Variants in IQCJ observed in about 807,000 individuals in gnomAD.
IQCJ encodes the protein IQ domain-containing protein J.
A neutral mutation model predicts 11.0 loss-of-function variants in IQCJ; 9 were observed. The ratio of observed to expected loss-of-function variants is 0.82; its 90% confidence interval spans 0.49 to 1.43. IQCJ has a LOEUF of 1.43. Ranked by LOEUF, IQCJ falls within the 40% of genes most tolerant of loss-of-function variation. IQCJ has a pLI of 0.00. For missense variants in IQCJ, 146 were observed against 133.2 expected, an observed-to-expected ratio of 1.10 and a Z score of -0.47; for synonymous variants, 55 against 51.3, an observed-to-expected ratio of 1.07 and a Z score of -0.31.
intron 1 of IQCJ, among the ~76,000 whole-genome samples, chr3:159,221,931 G>GA (rs997941928): frequency 6.6e-6 from 1 of 151,308 alleles, no homozygotes; most frequent in East Asian, 1.9e-4. Context: ...GGTTAAAAAA[G>GA]AAAAAAATCT....
At chr3:159,229,300 G>T (rs1235763049) in intron 1 of IQCJ, among the ~76,000 whole-genome samples, 1 of 151,040 alleles carries the variant, frequency 6.6e-6, no homozygotes, top group South Asian at 2.1e-4. Context: ...CCTTTTCTTG[G>T]CCCTATCTAG....
At chr3:159,249,225 C>T (rs919193635) in intron 2 of IQCJ, among the ~76,000 whole-genome samples, 7 of 152,178 alleles carry the variant, frequency 4.6e-5, no homozygotes, top group Middle Eastern at 3.4e-3. Context: ...CTATATTAAA[C>T]CTCTCACTAA....
rs184650159 is a variant in IQCJ at position 159,219,992 on chromosome 3, T to C, written c.10-25851T>C. The stretch of plus-strand genomic sequence containing the variant: ...CTTTGCCCTGTATGTTTTTGAAATT[T>C]TTCTCTGTTGAGGCATGAAAAAAAC... On this transcript the variant is annotated intron_variant, in intron 1 of 3. Coordinates refer to ENST00000397832, the MANE Select transcript of IQCJ (RefSeq NM_001042706.3). 2.9e-3 allele frequency among the ~76,000 whole-genome samples: 446 copies of C among 152,266 alleles called. 3 individuals carry two copies. Among genetic ancestry groups the C allele is most frequent in the African/African-American group, 0.01 (424 of 41,562 alleles).
intron 1 of IQCJ, among the ~76,000 whole-genome samples, chr3:159,165,312 A>G (rs1037129709): frequency 6.6e-6 from 1 of 152,254 alleles, no homozygotes; most frequent in African/African-American, 2.4e-5. Context: ...GTGTTAAGGT[A>G]TTAGTCCACC....
At chr3:159,076,490 G>T (rs919139493) in intron 1 of IQCJ, among the ~76,000 whole-genome samples, 7 of 152,054 alleles carry the variant, frequency 4.6e-5, no homozygotes, top group African/African-American at 1.7e-4. Flanking sequence ...GTCTCATTCT[G>T]AAGTCTTGAT....
chr3:159,177,171 T>C (rs535825455), intron 1 of IQCJ, among the ~76,000 whole-genome samples: 3 of 152,210 alleles, frequency 2.0e-5, no homozygotes, highest in African/African-American at 4.8e-5. Flanking sequence ...TGAGCAATAT[T>C]ATTGTTTAAT....
At chr3:159,170,646 T>C (rs1284640215) in intron 1 of IQCJ, among the ~76,000 whole-genome samples, 1 of 151,424 alleles carries the variant, frequency 6.6e-6, no homozygotes, top group Admixed American at 6.6e-5. Flanking sequence ...CCTCACCCTT[T>C]TTTTTTTTTT....
intron 1 of IQCJ, among the ~76,000 whole-genome samples, chr3:159,158,985 C>T (rs1161352813): frequency 6.6e-6 from 1 of 152,124 alleles, no homozygotes; most frequent in Non-Finnish European, 1.5e-5. Flanking sequence ...CACAGAGCCA[C>T]ATGGGAAGCA....
At chr3:159,072,085 A>C (rs1178105659) in intron 1 of IQCJ, among the ~76,000 whole-genome samples, 1 of 152,154 alleles carries the variant, frequency 6.6e-6, no homozygotes, top group Non-Finnish European at 1.5e-5. Flanking sequence ...CAAGGAGGGA[A>C]GCTCCTGTTT....
intron 1 of IQCJ, among the ~76,000 whole-genome samples, chr3:159,190,788 A>C (rs966940049): frequency 1.3e-5 from 2 of 152,178 alleles, no homozygotes; most frequent in Non-Finnish European, 2.9e-5. Context: ...AGAAATGTGG[A>C]TAATAATAGT....
chr3:159,229,853 T>G (rs1334271626), intron 1 of IQCJ, among the ~76,000 whole-genome samples: 3 of 51,874 alleles, frequency 5.8e-5, no homozygotes, highest in Non-Finnish European at 1.1e-4. Context: ...CCTCCTCCTC[T>G]TTTTCTTTTC....
chr3:159,158,524 C>A (rs1401031449), intron 1 of IQCJ, among the ~76,000 whole-genome samples: 1 of 152,138 alleles, frequency 6.6e-6, no homozygotes, highest in Non-Finnish European at 1.5e-5. Flanking sequence ...TAGTACAATG[C>A]CAGCATTATG....
intron 1 of IQCJ, among the ~76,000 whole-genome samples, chr3:159,106,619 A>G (rs1294191211): frequency 6.6e-6 from 1 of 152,174 alleles, no homozygotes; most frequent in Non-Finnish European, 1.5e-5. Flanking sequence ...CCTTACACCA[A>G]CAAGCCTGTA....
intron 1 of IQCJ, among the ~76,000 whole-genome samples, chr3:159,091,670 GCATGCA>G (rs1431564072): frequency 0.065 from 4,033 of 62,512 alleles, 146 homozygotes; most frequent in Middle Eastern, 0.083. Flanking sequence ...ACACACACAC[GCATGCA>G]CACACACACA....
chr3:159,198,018 C>T (rs1243588719), intron 1 of IQCJ, among the ~76,000 whole-genome samples: 3 of 152,142 alleles, frequency 2.0e-5, no homozygotes, highest in East Asian at 3.9e-4. Context: ...TTGTTTTCTC[C>T]TCCATGTACT....
rs766349896 is a variant in IQCJ at position 159,245,563 on chromosome 3, G to A, written c.10-280G>A. On this transcript the variant is annotated intron_variant, in intron 1 of 3. Coordinates refer to ENST00000397832, the MANE Select transcript of IQCJ (RefSeq NM_001042706.3). Reference sequence around the variant, plus strand: ...TGCAAGCTCCGCCTCCTGGGTTCACGCCATTCTCCTGCCTCAGCCTCCCAA... The same window carrying A: ...TGCAAGCTCCGCCTCCTGGGTTCACACCATTCTCCTGCCTCAGCCTCCCAA... 9.5e-5 allele frequency among the ~76,000 whole-genome samples: 14 copies of A among 147,546 alleles called. 1 individual carries two copies. The highest frequency in any genetic ancestry group is 1.5e-4 in the African/African-American group (6 of 39,856).
intron 1 of IQCJ, among the ~76,000 whole-genome samples, chr3:159,229,374 T>G (rs1479302331): frequency 6.6e-6 from 1 of 152,124 alleles, no homozygotes; most frequent in Non-Finnish European, 1.5e-5. Context: ...TCTCATTCTG[T>G]CCTGAATGTC....
chr3:159,224,786 G>A (rs996243381), intron 1 of IQCJ, among the ~76,000 whole-genome samples: 3 of 152,150 alleles, frequency 2.0e-5, no homozygotes, highest in Non-Finnish European at 4.4e-5. Context: ...ACCTTCCTGA[G>A]TTCTTGAGCA....
intron 1 of IQCJ, among the ~76,000 whole-genome samples, chr3:159,113,470 G>C (rs1054163803): frequency 6.6e-6 from 1 of 152,204 alleles, no homozygotes; most frequent in Non-Finnish European, 1.5e-5. Flanking sequence ...CCTTGTGACA[G>C]CGTCTGTCAC....
Sources: gnomAD v4.1 joint callset for allele counts (sites outside exome capture counted in the v4.1 genomes callset) on GRCh38, gnomAD v4.1.1 for gene constraint, MANE v1.5 for transcripts, NCBI Gene and HGNC (gene_info 2026-07-23, HGNC 2026-07-21) for gene names.